The following CDH13 variants were observed in gnomAD, a reference collection of about 807,000 sequenced individuals.
The protein encoded by CDH13 is cadherin-13.
In CDH13, 24 loss-of-function variants were observed where a neutral mutation model predicts 63.8. That is an observed-to-expected ratio of 0.38 (90% CI 0.27 to 0.53). The LOEUF is 0.53. CDH13 is among the 20% of genes least tolerant of loss of function. The pLI is 0.85. For missense variants in CDH13, 1,049 were observed against 903.1 expected (o/e 1.16, Z -2.07); for synonymous variants, 503 against 355.3 (o/e 1.42, Z -4.67).
In CDH13 at chr16:83,334,361, T is replaced by TCTCACACA. The variant is rs1272779883; in HGVS notation, c.637-10500_637-10499insTCACACAC. Among the ~76,000 whole-genome samples the TCTCACACA allele has an allele frequency of 2.9e-3, 245 of 85,614 alleles. 2 individuals carry two copies. Among genetic ancestry groups the TCTCACACA allele is most frequent in the African/African-American group, 6.1e-3 (123 of 20,144 alleles). 56.2% of individuals were successfully genotyped at this position (85,614 alleles called of 152,430 possible). A position where few individuals can be genotyped will look rare whatever the true frequency, so the allele number is the denominator to read the frequency against. On this transcript the variant is annotated intron_variant, in intron 5 of 13. Transcript: ENST00000567109. Reference sequence around the variant, plus strand: ...TTCTCCCTCTCTCTCTCTCTCTCTCTCACACACACACACACACACACACAC... The same window carrying TCTCACACA: ...TTCTCCCTCTCTCTCTCTCTCTCTCTCTCACACACACACACACACACACACACACACAC...
chr16:83,241,455 A>G (rs998577513), intron 5 of CDH13, among the ~76,000 whole-genome samples: 2 of 152,236 alleles, frequency 1.3e-5, no homozygotes, highest in Non-Finnish European at 2.9e-5. Context: ...CCAAGTGTAT[A>G]CAAGTGTGAC....
At chr16:83,255,055 T>C (rs1434277251) in intron 5 of CDH13, among the ~76,000 whole-genome samples, 1 of 136,618 alleles carries the variant, frequency 7.3e-6, no homozygotes, top group Admixed American at 7.7e-5. Context: ...TTGAAGCTTC[T>C]TTGCCCAAGG....
At chr16:83,672,572 A>C (rs889737609) in intron 9 of CDH13, among the ~76,000 whole-genome samples, 4 of 151,430 alleles carry the variant, frequency 2.6e-5, no homozygotes, top group African/African-American at 9.7e-5. Flanking sequence ...TTACAGGTGC[A>C]TGCCACCACA....
At chr16:83,629,245 T>C (rs1231640186) in intron 8 of CDH13, among the ~76,000 whole-genome samples, 2 of 152,224 alleles carry the variant, frequency 1.3e-5, no homozygotes, top group Non-Finnish European at 2.9e-5. Flanking sequence ...CCAAAGAAGT[T>C]TTGCTGGCTT....
intron 1 of CDH13, among the ~76,000 whole-genome samples, chr16:82,762,254 G>T (rs1297514021): frequency 2.0e-5 from 3 of 152,162 alleles, no homozygotes; most frequent in African/African-American, 7.2e-5. Context: ...CTCCCACGAT[G>T]ATCTGATGCT....
At chr16:83,271,420 C>CAAAAAAAAAAAAA (rs1181810567) in intron 5 of CDH13, among the ~76,000 whole-genome samples, 1 of 486 alleles carries the variant, frequency 2.1e-3, no homozygotes, top group Non-Finnish European at 0.011. Context: ...AGGCAGAGTT[C>CAAAAAAAAAAAAA]ATAAAAAAAA....
intron 6 of CDH13, among the ~76,000 whole-genome samples, chr16:83,462,697 A>G (rs973968023): frequency 6.6e-6 from 1 of 152,216 alleles, no homozygotes; most frequent in Non-Finnish European, 1.5e-5. Flanking sequence ...TGGAGGTTGC[A>G]GTAAGTCAAG....
chr16:82,712,816 A>G (rs2032055089), intron 1 of CDH13, among the ~76,000 whole-genome samples: 1 of 152,058 alleles, frequency 6.6e-6, no homozygotes, highest in Non-Finnish European at 1.5e-5. Flanking sequence ...CTTGGGTTCC[A>G]GCTTTTCTCC....
intron 2 of CDH13, among the ~76,000 whole-genome samples, chr16:82,904,554 A>G (rs998060012): frequency 6.6e-6 from 1 of 152,062 alleles, no homozygotes; most frequent in Non-Finnish European, 1.5e-5. Context: ...CTTTTGCCCC[A>G]ACCTAATACC....
chr16:83,364,964 C>T (rs532513864), intron 6 of CDH13, among the ~76,000 whole-genome samples: 30 of 152,202 alleles, frequency 2.0e-4, no homozygotes, highest in South Asian at 1.7e-3. Flanking sequence ...CTAAGGCATG[C>T]GGGGCTTAAA....
At chr16:83,149,021 T>C in intron 4 of CDH13, among the ~76,000 whole-genome samples, 1 of 152,174 alleles carries the variant, frequency 6.6e-6, no homozygotes, top group East Asian at 1.9e-4. Flanking sequence ...ATAACAAGAA[T>C]TGACTGTACT....
At chr16:83,219,112 C>T (rs968045679) in intron 5 of CDH13, among the ~76,000 whole-genome samples, 1 of 152,120 alleles carries the variant, frequency 6.6e-6, no homozygotes, top group African/African-American at 2.4e-5. Flanking sequence ...CCATTCAGGT[C>T]TCAGTGCTGC....
chr16:82,692,268 T>C (rs544314929), intron 1 of CDH13, among the ~76,000 whole-genome samples: 8 of 152,194 alleles, frequency 5.3e-5, no homozygotes, highest in Non-Finnish European at 1.0e-4. Flanking sequence ...TTGAAATAAG[T>C]CATTAGAAAC....
intron 1 of CDH13, among the ~76,000 whole-genome samples, chr16:82,745,589 G>A (rs1409153692): frequency 2.0e-5 from 3 of 152,062 alleles, no homozygotes; most frequent in Non-Finnish European, 4.4e-5. Context: ...GGGTGACAGA[G>A]CGAGACTCTG....
chr16:83,455,011 T>G (rs1048520193), intron 6 of CDH13, among the ~76,000 whole-genome samples: 6 of 152,272 alleles, frequency 3.9e-5, no homozygotes, highest in African/African-American at 1.4e-4. Context: ...TGCCCAGCTC[T>G]CTATTGATTA....
intron 5 of CDH13, among the ~76,000 whole-genome samples, chr16:83,261,909 A>C (rs1309268959): frequency 1.3e-5 from 2 of 152,156 alleles, no homozygotes; most frequent in African/African-American, 4.8e-5. Flanking sequence ...GAGCCTGATA[A>C]CAAATGTGTG....
At position 82,632,998 on chromosome 16, in the gene CDH13, G is replaced by T. The variant is rs141058303; in HGVS notation, c.45+5861G>T. ...CCTATGAAAATCCAGTGCCACGGCT[G>T]ATCTGACAGGAGGCAGAGCCCAGGC... On this transcript the variant is annotated intron_variant, in intron 1 of 13. Coordinates refer to ENST00000567109, the MANE Select transcript of CDH13 (RefSeq NM_001257.5). Among the ~76,000 whole-genome samples the T allele has an allele frequency of 3.9e-3, 596 of 152,292 alleles. 3 individuals are homozygous for T. The highest frequency in any genetic ancestry group is 0.014 in the African/African-American group (570 of 41,556).
chr16:83,512,234 T>C (rs953351083), intron 7 of CDH13, among the ~76,000 whole-genome samples: 6 of 151,206 alleles, frequency 4.0e-5, no homozygotes, highest in African/African-American at 7.3e-5. Context: ...GGCAGGAGAA[T>C]GGCGTGAACC....
At chr16:82,732,733 A>T (rs946635355) in intron 1 of CDH13, among the ~76,000 whole-genome samples, 34 of 152,174 alleles carry the variant, frequency 2.2e-4, no homozygotes, top group Admixed American at 2.1e-3. Flanking sequence ...GCTTACTATT[A>T]TTCATACATA....
Sources: allele counts gnomAD v4.1 joint callset (sites outside exome capture counted in the v4.1 genomes callset), GRCh38; gene constraint gnomAD v4.1.1; transcripts MANE v1.5; gene names NCBI Gene and HGNC (gene_info 2026-07-23, HGNC 2026-07-21).